The following GAS2L3 variants were observed in gnomAD, a reference collection of about 807,000 sequenced individuals.
GAS2L3 encodes GAS2-like protein 3.
A neutral mutation model predicts 37.0 loss-of-function variants in GAS2L3; 28 were observed. The observed-to-expected ratio is 0.76, with a 90% CI of 0.56 to 1.04. The LOEUF (loss-of-function observed/expected upper bound fraction) is 1.04, where lower values mean the gene tolerates loss of function less well. GAS2L3 is among the 50% of genes least tolerant of loss of function. The probability of loss-of-function intolerance (pLI) is 0.00; values close to 1 mark genes in which losing one functional copy is unlikely to be tolerated. For synonymous variants in GAS2L3, 290 were observed against 296.6 expected, an observed-to-expected ratio of 0.98 and a Z score of 0.23; for missense variants, 793 against 817.6, an observed-to-expected ratio of 0.97 and a Z score of 0.37.
At chr12:100,590,110 G>A (rs942922317) in intron 1 of GAS2L3, among the ~76,000 whole-genome samples, 5 of 152,116 alleles carry the variant, frequency 3.3e-5, no homozygotes, top group Admixed American at 6.5e-5. Flanking sequence ...AAAAGGAACA[G>A]TCAGCAGAGT....
At chr12:100,617,169 A>G (rs1956198076) in intron 6 of GAS2L3, among the ~76,000 whole-genome samples, 1 of 152,120 alleles carries the variant, frequency 6.6e-6, no homozygotes, top group Non-Finnish European at 1.5e-5. Context: ...TGCCACTTGC[A>G]TGGTATATAA....
At chr12:100,574,531 A>G (rs900176143) in intron 1 of GAS2L3, among the ~76,000 whole-genome samples, 5 of 152,206 alleles carry the variant, frequency 3.3e-5, no homozygotes, top group African/African-American at 1.2e-4. Flanking sequence ...GTGCTCCTCT[A>G]TGCAGTCACC....
At chr12:100,581,349 C>A (rs1955709344) in intron 1 of GAS2L3, among the ~76,000 whole-genome samples, 1 of 152,138 alleles carries the variant, frequency 6.6e-6, no homozygotes, top group South Asian at 2.1e-4. Context: ...TTGCCCAGAG[C>A]CATGGGTTTT....
intron 2 of GAS2L3, among the ~76,000 whole-genome samples, chr12:100,594,297 T>C (rs1364249151): frequency 6.6e-6 from 1 of 152,026 alleles, no homozygotes; most frequent in Non-Finnish European, 1.5e-5. Context: ...AGAATACTAC[T>C]TTGGAGCTAA....
intron 1 of GAS2L3, among the ~76,000 whole-genome samples, chr12:100,590,199 C>A (rs764841756): frequency 9.9e-5 from 15 of 152,142 alleles, no homozygotes; most frequent in Non-Finnish European, 1.5e-4. Context: ...GAATCTACAA[C>A]AAACTCAGAC....
chr12:100,595,579 T>C (rs1955902016), intron 3 of GAS2L3, among the ~76,000 whole-genome samples: 1 of 151,966 alleles, frequency 6.6e-6, no homozygotes. Context: ...AAAATAAAAG[T>C]CACATTGAAG....
At chr12:100,623,512 A>G (rs942612101) in intron 9 of GAS2L3, 50 bp from the exon 10 acceptor site, 4 of 1,511,566 alleles carry the variant, frequency 2.6e-6, no homozygotes, top group Non-Finnish European at 3.6e-6. Flanking sequence ...AATTGTAACT[A>G]TAAACCTCAC....
chr12:100,611,716 A>G (rs1956128897), intron 5 of GAS2L3, among the ~76,000 whole-genome samples: 1 of 152,058 alleles, frequency 6.6e-6, no homozygotes, highest in African/African-American at 2.4e-5. Flanking sequence ...CGCTGATCTG[A>G]CAGGCAGAGC....
At position 100,624,770 on chromosome 12, in the gene GAS2L3, C is replaced by T. The variant is rs1443739482; in HGVS notation, c.1965C>T (p.Ile655=). ...PPRSGKTPAS[I]RKPPSSVKDA... is the part of the protein sequence containing the mutation. ...GAAGTGGCAAAACCCCAGCTTCAAT[C>T]AGGAAACCACCCTCATCTGTTAAGG... The change falls in exon 10 of 10, where the codon ATC becomes ATT. Residue 655 remains isoleucine (I), a synonymous_variant. Transcript: ENST00000547754. 1.2e-6 allele frequency: 2 copies of T among 1,613,890 alleles called. No individual in the cohort carries two copies. Among genetic ancestry groups the T allele is most frequent in the Admixed American group, 3.3e-5 (2 of 60,008 alleles).
At chr12:100,584,241 A>G (rs1442877177) in intron 1 of GAS2L3, among the ~76,000 whole-genome samples, 2 of 152,206 alleles carry the variant, frequency 1.3e-5, no homozygotes, top group Non-Finnish European at 2.9e-5. Flanking sequence ...AGGGCTAAAG[A>G]TATAATCAGA....
At chr12:100,590,177 G>A (rs1470696493) in intron 1 of GAS2L3, among the ~76,000 whole-genome samples, 5 of 152,118 alleles carry the variant, frequency 3.3e-5, no homozygotes, top group Non-Finnish European at 7.4e-5. Flanking sequence ...TCTGACAAAG[G>A]ACTAATATCC....
At chr12:100,614,474 A>G (rs1035292488) in intron 6 of GAS2L3, among the ~76,000 whole-genome samples, 7 of 152,070 alleles carry the variant, frequency 4.6e-5, no homozygotes, top group Admixed American at 1.3e-4. Flanking sequence ...AAAAAAAATT[A>G]CTATCTTAAC....
chr12:100,617,288 G>A (rs936586842), intron 6 of GAS2L3, among the ~76,000 whole-genome samples: 5 of 151,944 alleles, frequency 3.3e-5, no homozygotes, highest in Admixed American at 6.6e-5. Flanking sequence ...TCTTCATTTG[G>A]CTACCTTTGA....
rs996952723 is a variant in GAS2L3, at chr12:100,627,875, A to G, written c.*2985A>G. The G allele has an allele frequency of 2.0e-5, 3 of 152,214 alleles. No homozygotes were observed. Among genetic ancestry groups the G allele is most frequent in the Non-Finnish European group, 2.9e-5 (2 of 68,026 alleles). 9.4% of individuals were successfully genotyped at this position (152,214 alleles called of 1,614,324 possible). A position where few individuals can be genotyped will look rare whatever the true frequency, so the allele number is the denominator to read the frequency against. On this transcript the variant is annotated 3_prime_UTR_variant, in exon 10 of 10. Coordinates refer to ENST00000547754, the MANE Select transcript of GAS2L3 (RefSeq NM_174942.3). ...GGAAAATGCTTTTATTTTATTTTCT[A>G]TAATTTGTTAACATGATATGTAAAA... is the stretch of plus-strand genomic sequence containing the variant.
At chr12:100,612,173 A>G (rs1226798863) in intron 6 of GAS2L3, 32 bp downstream of exon 6, 2 of 1,593,908 alleles carry the variant, frequency 1.3e-6, no homozygotes, top group African/African-American at 1.3e-5. Flanking sequence ...CTTGTTTTTA[A>G]TGCTTACTAG....
intron 1 of GAS2L3, 107 bp downstream of exon 1, chr12:100,573,892 G>A (rs1340239036): frequency 6.6e-6 from 1 of 152,322 alleles, no homozygotes; most frequent in Non-Finnish European, 1.5e-5. Flanking sequence ...CGCTCTCTGA[G>A]GCCCCGAAGC....
Position 100,573,696 on chromosome 12 carries a change from C to T in GAS2L3, c.-241C>T. ...GACCCTGAGGCCCAGGCGGCGGCGG[C>T]AGCGGCGGCGGTTGGTCAGGGGCGT... On this transcript the variant is annotated 5_prime_UTR_variant, in exon 1 of 10. Coordinates refer to ENST00000547754, the MANE Select transcript of GAS2L3 (RefSeq NM_174942.3). The T allele has an allele frequency of 6.3e-6, 1 of 158,582 alleles. No individual in the cohort carries two copies. The highest frequency in any genetic ancestry group is 1.4e-5 in the Non-Finnish European group (1 of 72,650). 9.8% of individuals were successfully genotyped at this position (158,582 alleles called of 1,614,324 possible).
chr12:100,589,835 T>A (rs796608760), intron 1 of GAS2L3, among the ~76,000 whole-genome samples: 9 of 152,284 alleles, frequency 5.9e-5, no homozygotes, highest in African/African-American at 2.2e-4. Context: ...AAGGACACCC[T>A]TTTCAACAAA....
intron 1 of GAS2L3, among the ~76,000 whole-genome samples, chr12:100,587,853 C>T (rs931696981): frequency 1.3e-5 from 2 of 152,092 alleles, no homozygotes; most frequent in African/African-American, 4.8e-5. Flanking sequence ...GAGATCAAGA[C>T]CATCCTGGCT....
Sources: allele counts gnomAD v4.1 joint callset (sites outside exome capture counted in the v4.1 genomes callset), GRCh38; gene constraint gnomAD v4.1.1; transcripts MANE v1.5; gene names NCBI Gene and HGNC (gene_info 2026-07-23, HGNC 2026-07-21).